CPED1: variants seen among roughly 807,000 people sequenced by gnomAD.
CPED1 encodes the protein cadherin like and PC-esterase domain containing 1.
CPED1 carries 114 observed loss-of-function variants against 128.2 expected under a neutral mutation model. The ratio of observed to expected loss-of-function variants is 0.89; its 90% CI spans 0.76 to 1.04. The LOEUF (loss-of-function observed/expected upper bound fraction) is 1.04. CPED1 is among the 50% of genes least tolerant of loss of function. CPED1 has a pLI of 0.00. For synonymous variants in CPED1, 462 were observed against 426.7 expected (o/e 1.08, Z -1.02); for missense variants, 1,211 against 1,207.1 (o/e 1.00, Z -0.05).
intron 16 of CPED1, among the ~76,000 whole-genome samples, chr7:121,182,079 C>A (rs1035243371): frequency 6.6e-6 from 1 of 151,984 alleles, no homozygotes; most frequent in Non-Finnish European, 1.5e-5. Context: ...TGCCCCAAAC[C>A]CTTCTAACAT....
chr7:121,164,861 T>G (rs1305395633), intron 16 of CPED1, among the ~76,000 whole-genome samples: 1 of 152,196 alleles, frequency 6.6e-6, no homozygotes, highest in Non-Finnish European at 1.5e-5. Flanking sequence ...TATTAGGGAA[T>G]AAACACCTTT....
intron 22 of CPED1, among the ~76,000 whole-genome samples, chr7:121,286,058 A>G (rs1405517395): frequency 6.6e-6 from 1 of 152,200 alleles, no homozygotes; most frequent in African/African-American, 2.4e-5. Context: ...GGGAAACTTA[A>G]CAATCATAGT....
intron 16 of CPED1, among the ~76,000 whole-genome samples, chr7:121,151,585 C>G (rs776731531): frequency 6.6e-6 from 1 of 152,152 alleles, no homozygotes; most frequent in African/African-American, 2.4e-5. Flanking sequence ...AAGCAAATTG[C>G]CACCAAATCT....
intron 5 of CPED1, among the ~76,000 whole-genome samples, chr7:121,089,141 A>T (rs540678375): frequency 4.6e-5 from 7 of 152,188 alleles, no homozygotes; most frequent in Non-Finnish European, 8.8e-5. Context: ...TCAAGGCAAA[A>T]TGGTTTAGTA....
intron 18 of CPED1, among the ~76,000 whole-genome samples, chr7:121,260,187 T>A (rs947657464): frequency 6.7e-6 from 1 of 149,516 alleles, no homozygotes; most frequent in Non-Finnish European, 1.5e-5. Context: ...CTAGAAGAGC[T>A]ATGCCTAGGT....
chr7:121,057,718 G>C (rs1471415386), intron 4 of CPED1, among the ~76,000 whole-genome samples: 2 of 152,088 alleles, frequency 1.3e-5, no homozygotes, highest in Non-Finnish European at 2.9e-5. Flanking sequence ...TCCCTTCACT[G>C]TTTCTACAAT....
At chr7:121,028,184 C>T (rs1327034494) in intron 3 of CPED1, among the ~76,000 whole-genome samples, 1 of 152,066 alleles carries the variant, frequency 6.6e-6, no homozygotes, top group Non-Finnish European at 1.5e-5. Context: ...AGATCTGATT[C>T]AGTAAGAATG....
chr7:121,108,884 A>G (rs1236763350), intron 7 of CPED1, among the ~76,000 whole-genome samples: 2 of 152,126 alleles, frequency 1.3e-5, no homozygotes, highest in Non-Finnish European at 2.9e-5. Flanking sequence ...ATTAAGACCT[A>G]AACTTTTTTC....
At chr7:121,044,341 G>C (rs77601171) in intron 3 of CPED1, among the ~76,000 whole-genome samples, 1,999 of 152,218 alleles carry the variant, frequency 0.013, 37 homozygotes, top group African/African-American at 0.044. Flanking sequence ...GGGTAACAGT[G>C]GGAGTTTTGA....
intron 4 of CPED1, among the ~76,000 whole-genome samples, chr7:121,063,993 T>C (rs1269140722): frequency 1.3e-5 from 2 of 152,094 alleles, no homozygotes; most frequent in Non-Finnish European, 2.9e-5. Context: ...TATGAAAGGG[T>C]TTTCAAAAAG....
intron 16 of CPED1, among the ~76,000 whole-genome samples, chr7:121,148,915 G>C (rs893426249): frequency 2.0e-5 from 3 of 152,054 alleles, no homozygotes; most frequent in African/African-American, 7.2e-5. Flanking sequence ...AAATTTGGGG[G>C]CCCCTAAAAT....
At chr7:121,172,572 C>T (rs940121166) in intron 16 of CPED1, among the ~76,000 whole-genome samples, 23 of 151,838 alleles carry the variant, frequency 1.5e-4, no homozygotes, top group African/African-American at 5.6e-4. Flanking sequence ...TGTGTCTGCC[C>T]TTATAAAACA....
intron 16 of CPED1, among the ~76,000 whole-genome samples, chr7:121,191,180 C>T (rs1029087920): frequency 1.3e-5 from 2 of 152,044 alleles, no homozygotes; most frequent in Admixed American, 6.6e-5. Context: ...TGCTTTTTGC[C>T]ACCTTTTAGA....
At chr7:121,153,992 T>A (rs967704681) in intron 16 of CPED1, among the ~76,000 whole-genome samples, 1 of 152,196 alleles carries the variant, frequency 6.6e-6, no homozygotes, top group Non-Finnish European at 1.5e-5. Context: ...AGTCAAAATG[T>A]ATCAAAATGT....
intron 16 of CPED1, among the ~76,000 whole-genome samples, chr7:121,174,934 A>G (rs1796741951): frequency 6.6e-6 from 1 of 152,020 alleles, no homozygotes; most frequent in Admixed American, 6.6e-5. Flanking sequence ...TGTAGAGATC[A>G]TTCACCTCCC....
In CPED1 at chr7:121,124,352, T is replaced by C; in HGVS notation, c.940T>C (p.Phe314Leu). 6.2e-7 allele frequency: 1 copy of C among 1,607,278 alleles called. No homozygotes were observed. Among genetic ancestry groups the C allele is most frequent in the Non-Finnish European group, 8.5e-7 (1 of 1,177,122 alleles). ...TVKLQTFFETFLRASSPQQAF... is the reference protein window; with the variant it reads ...TVKLQTFFETLLRASSPQQAF... ...ACAGCTGCAAACATTTTTTGAGACA[T>C]TCCTGAGAGCCAGTTCACCTCAACA... The change falls in exon 8 of 23, where the codon TTC becomes CTC. Residue 314 changes from phenylalanine to leucine, a missense_variant. Phe to Leu is a conservative substitution (Grantham distance 22). Coordinates refer to ENST00000310396, the MANE Select transcript of CPED1 (RefSeq NM_024913.5).
chr7:121,048,265 C>G (rs1793266003), intron 4 of CPED1, among the ~76,000 whole-genome samples: 1 of 152,196 alleles, frequency 6.6e-6, no homozygotes, highest in Admixed American at 6.5e-5. Flanking sequence ...ACAGACATAT[C>G]AAACTCAACC....
At chr7:121,171,254 A>G (rs1324001727) in intron 16 of CPED1, among the ~76,000 whole-genome samples, 1 of 152,164 alleles carries the variant, frequency 6.6e-6, no homozygotes, top group African/African-American at 2.4e-5. Flanking sequence ...CATTAAAATT[A>G]CTCAAACTTA....
chr7:120,994,273 TA>T (rs896178208), intron 2 of CPED1, among the ~76,000 whole-genome samples: 10 of 151,668 alleles, frequency 6.6e-5, no homozygotes, highest in Admixed American at 2.0e-4. Context: ...TCTCTTTAAC[TA>T]AAAAAAAATC....
Sources: gnomAD v4.1 joint callset for allele counts (sites outside exome capture counted in the v4.1 genomes callset) on GRCh38, gnomAD v4.1.1 for gene constraint, MANE v1.5 for transcripts, NCBI Gene and HGNC (gene_info 2026-07-23, HGNC 2026-07-21) for gene names.